The following PLOD2 variants were observed in gnomAD, a reference collection of about 807,000 sequenced individuals.
The protein encoded by PLOD2 is procollagen-lysine,2-oxoglutarate 5-dioxygenase 2, also known as lysine hydroxylase 2.
In PLOD2, 65 loss-of-function variants were observed where a neutral mutation model predicts 101.0. The observed-to-expected ratio is 0.64, with a 90% CI of 0.53 to 0.79. The LOEUF (loss-of-function observed/expected upper bound fraction) is 0.79, where lower values mean the gene tolerates loss of function less well. Ranked by LOEUF, PLOD2 falls within the 30% of genes least tolerant of loss-of-function variation. PLOD2 has a pLI of 0.00. For missense variants in PLOD2, 909 were observed against 914.6 expected (o/e 0.99, Z 0.08); for synonymous variants, 314 against 302.9 (o/e 1.04, Z -0.38).
chr3:146,099,356 T>C (rs1937307208), intron 7 of PLOD2, among the ~76,000 whole-genome samples: 1 of 152,108 alleles, frequency 6.6e-6, no homozygotes, highest in Admixed American at 6.6e-5. Context: ...CATAAGGCCT[T>C]ATCCATAATC....
chr3:146,072,737 A>G (rs537822531), intron 16 of PLOD2, 72 bp from the exon 17 acceptor site: 19 of 900,266 alleles, frequency 2.1e-5, no homozygotes, highest in Non-Finnish European at 3.1e-5. Context: ...AGTTATTTTA[A>G]TATGTGTAAA....
At chr3:146,103,869 T>A (rs980964747) in intron 6 of PLOD2, among the ~76,000 whole-genome samples, 11 of 137,634 alleles carry the variant, frequency 8.0e-5, no homozygotes, top group African/African-American at 2.8e-4. Flanking sequence ...ACACACACAC[T>A]CTTCCCCAGT....
intron 3 of PLOD2, among the ~76,000 whole-genome samples, chr3:146,114,196 G>A (rs538318576): frequency 8.6e-5 from 13 of 151,814 alleles, no homozygotes; most frequent in African/African-American, 1.5e-4. Context: ...ATTTCGCCCC[G>A]GTCCTGTGAT....
intron 13 of PLOD2, among the ~76,000 whole-genome samples, chr3:146,078,436 G>A (rs769313801): frequency 8.6e-5 from 13 of 151,652 alleles, no homozygotes; most frequent in South Asian, 2.1e-4. Flanking sequence ...TTTGGAAATC[G>A]GAAATAAAAT....
intron 11 of PLOD2, among the ~76,000 whole-genome samples, chr3:146,083,095 T>C (rs545612785): frequency 1.3e-5 from 2 of 152,312 alleles, no homozygotes; most frequent in South Asian, 4.1e-4. Flanking sequence ...ATCAAACATT[T>C]AATTTAAAAA....
chr3:146,158,911 G>C (rs537403932), intron 1 of PLOD2, among the ~76,000 whole-genome samples: 1 of 152,264 alleles, frequency 6.6e-6, no homozygotes, highest in Non-Finnish European at 1.5e-5. Context: ...TATTAAGCTA[G>C]ACAATTTAGG....
chr3:146,141,533 C>CT (rs956155801), intron 1 of PLOD2, among the ~76,000 whole-genome samples: 3 of 152,064 alleles, frequency 2.0e-5, no homozygotes, highest in Non-Finnish European at 4.4e-5. Flanking sequence ...CCTCAAAGGG[C>CT]TTTCATCTTT....
At chr3:146,096,165 A>G (rs900382823) in intron 7 of PLOD2, among the ~76,000 whole-genome samples, 2 of 147,976 alleles carry the variant, frequency 1.4e-5, no homozygotes, top group Non-Finnish European at 3.0e-5. Flanking sequence ...CCGGGATTGC[A>G]GATGGAGTCT....
intron 1 of PLOD2, among the ~76,000 whole-genome samples, chr3:146,154,381 T>A (rs188457692): frequency 1.3e-5 from 2 of 152,084 alleles, no homozygotes; most frequent in Non-Finnish European, 2.9e-5. Context: ...GTCACTTCTG[T>A]ATTGATAATG....
At chr3:146,092,605 A>T (rs1209491707) in intron 7 of PLOD2, among the ~76,000 whole-genome samples, 1 of 152,042 alleles carries the variant, frequency 6.6e-6, no homozygotes. Context: ...GATCTCTCTG[A>T]GTATCCCCTT....
chr3:146,143,799 G>A (rs745793500), intron 1 of PLOD2, among the ~76,000 whole-genome samples: 34 of 151,982 alleles, frequency 2.2e-4, no homozygotes, highest in South Asian at 8.3e-4. Flanking sequence ...CATATCTTGC[G>A]TTTCTCTCCA....
At chr3:146,107,107 C>T (rs1167107213) in intron 4 of PLOD2, among the ~76,000 whole-genome samples, 2 of 152,192 alleles carry the variant, frequency 1.3e-5, no homozygotes, top group South Asian at 4.1e-4. Context: ...GATGCTAATG[C>T]AATCAAACGA....
intron 3 of PLOD2, among the ~76,000 whole-genome samples, chr3:146,119,444 T>TC (rs1382915912): frequency 9.1e-6 from 1 of 109,528 alleles, no homozygotes; most frequent in Non-Finnish European, 2.0e-5. Context: ...TACTTTTGCC[T>TC]CTTTTTTTTT....
intron 6 of PLOD2, among the ~76,000 whole-genome samples, 191 bp downstream of exon 6, chr3:146,104,088 A>G (rs1937486984): frequency 1.3e-5 from 2 of 152,224 alleles, no homozygotes; most frequent in South Asian, 4.1e-4. Context: ...CACACTAGTC[A>G]TAGGAAATGA....
intron 3 of PLOD2, among the ~76,000 whole-genome samples, chr3:146,119,505 A>C (rs1343147462): frequency 1.3e-5 from 2 of 151,976 alleles, no homozygotes; most frequent in Non-Finnish European, 2.9e-5. Context: ...GGTTAGTTAC[A>C]TATGTATACA....
chr3:146,153,044 C>T (rs1414614745), intron 1 of PLOD2, among the ~76,000 whole-genome samples: 1 of 152,194 alleles, frequency 6.6e-6, no homozygotes, highest in Non-Finnish European at 1.5e-5. Flanking sequence ...CTGGTCACCA[C>T]TGTGGTGCCA....
intron 1 of PLOD2, among the ~76,000 whole-genome samples, chr3:146,158,499 T>C (rs2032407112): frequency 6.6e-6 from 1 of 152,160 alleles, no homozygotes; most frequent in African/African-American, 2.4e-5. Flanking sequence ...CATTCCCAAC[T>C]ACAGTGGGTA....
chr3:146,122,566 G>A (rs927499384), intron 2 of PLOD2, among the ~76,000 whole-genome samples: 2 of 152,146 alleles, frequency 1.3e-5, no homozygotes, highest in African/African-American at 4.8e-5. Flanking sequence ...GTCGGTCTGA[G>A]GGGGAGCCTG....
intron 7 of PLOD2, among the ~76,000 whole-genome samples, chr3:146,096,849 G>T (rs1937187010): frequency 8.2e-6 from 1 of 121,274 alleles, no homozygotes; most frequent in Admixed American, 7.7e-5. Flanking sequence ...GAGCCCCTCT[G>T]CCCGGCCAGC....
Sources: gnomAD v4.1 joint callset for allele counts (sites outside exome capture counted in the v4.1 genomes callset) on GRCh38, gnomAD v4.1.1 for gene constraint, MANE v1.5 for transcripts, NCBI Gene and HGNC (gene_info 2026-07-23, HGNC 2026-07-21) for gene names.